Variants in EFL1 observed in about 807,000 individuals in gnomAD.
EFL1 encodes the protein elongation factor-like GTPase 1.
In EFL1, 76 loss-of-function variants were observed where a neutral mutation model predicts 126.7. The observed-to-expected ratio is 0.60, with a 90% confidence interval of 0.50 to 0.73. The LOEUF is 0.73. Ranked by LOEUF, EFL1 falls within the 30% of genes least tolerant of loss-of-function variation. The pLI is 0.00. For missense variants in EFL1, 1,128 were observed against 1,343.2 expected (o/e 0.84, Z 2.50); for synonymous variants, 410 against 448.4 (o/e 0.91, Z 1.08).
intron 15 of EFL1, among the ~76,000 whole-genome samples, chr15:82,200,746 T>C (rs943433868): frequency 6.6e-6 from 1 of 152,214 alleles, no homozygotes; most frequent in African/African-American, 2.4e-5. Flanking sequence ...ACATCACTAC[T>C]CTGATATTCT....
chr15:82,216,301 T>C (rs2074645895), intron 14 of EFL1, among the ~76,000 whole-genome samples: 1 of 152,198 alleles, frequency 6.6e-6, no homozygotes, highest in South Asian at 2.1e-4. Context: ...TGCTGATTCA[T>C]GCCAAATAGG....
chr15:82,203,833 T>G (rs1420914621), intron 15 of EFL1, among the ~76,000 whole-genome samples: 1 of 152,248 alleles, frequency 6.6e-6, no homozygotes, highest in South Asian at 2.1e-4. Context: ...ACTTATCTAT[T>G]CTTCTGCCAA....
intron 18 of EFL1, among the ~76,000 whole-genome samples, chr15:82,143,115 C>G (rs904699330): frequency 2.0e-5 from 3 of 152,108 alleles, no homozygotes; most frequent in Non-Finnish European, 4.4e-5. Flanking sequence ...TAGTTGTCCA[C>G]AGCAATGTTT....
intron 18 of EFL1, among the ~76,000 whole-genome samples, chr15:82,146,226 T>C (rs189993832): frequency 2.6e-5 from 4 of 152,276 alleles, no homozygotes; most frequent in African/African-American, 9.6e-5. Context: ...CTTGTTTTAA[T>C]AATCTATGTA....
intron 15 of EFL1, among the ~76,000 whole-genome samples, chr15:82,188,349 T>C (rs575979700): frequency 6.6e-6 from 1 of 152,252 alleles, no homozygotes; most frequent in African/African-American, 2.4e-5. Flanking sequence ...TTCCATTTTC[T>C]TATCTTTTTT....
At chr15:82,190,496 G>A (rs1197771224) in intron 15 of EFL1, among the ~76,000 whole-genome samples, 1 of 152,154 alleles carries the variant, frequency 6.6e-6, no homozygotes, top group Non-Finnish European at 1.5e-5. Flanking sequence ...TTCATTCCAA[G>A]AGAGGGAAGT....
At chr15:82,134,145 T>C (rs2073693726) in intron 19 of EFL1, among the ~76,000 whole-genome samples, 1 of 152,232 alleles carries the variant, frequency 6.6e-6, no homozygotes, top group South Asian at 2.1e-4. Flanking sequence ...ACATCTTCAC[T>C]ACTCCTGCAT....
chr15:82,241,452 T>C (rs1255437687), intron 4 of EFL1, 49 bp from the exon 5 acceptor site: 1 of 1,583,864 alleles, frequency 6.3e-7, no homozygotes, highest in South Asian at 1.2e-5. Context: ...AGGTACACAA[T>C]GTTCTTCCTC....
intron 11 of EFL1, 49 bp downstream of exon 11, chr15:82,227,401 G>A (rs1475197761): frequency 6.2e-7 from 1 of 1,613,586 alleles, no homozygotes; most frequent in African/African-American, 1.3e-5. Context: ...AGCCTGGATG[G>A]AGGACAGTCA....
intron 15 of EFL1, among the ~76,000 whole-genome samples, chr15:82,175,221 G>A (rs543393933): frequency 6.6e-6 from 1 of 152,194 alleles, no homozygotes; most frequent in South Asian, 2.1e-4. Context: ...ATTGCCCTAC[G>A]TCTGCATCTT....
chr15:82,261,498 G>A (rs2141348647), intron 2 of EFL1, among the ~76,000 whole-genome samples, 190 bp downstream of exon 2: 1 of 152,246 alleles, frequency 6.6e-6, no homozygotes, highest in Admixed American at 6.5e-5. Flanking sequence ...CTACTCACTA[G>A]GTAACCGTGT....
At chr15:82,256,480 C>T (rs550609927) in intron 3 of EFL1, among the ~76,000 whole-genome samples, 1 of 152,218 alleles carries the variant, frequency 6.6e-6, no homozygotes, top group East Asian at 1.9e-4. Flanking sequence ...AGCTTTATCA[C>T]TGCAACTAGA....
chr15:82,243,871 G>A (rs991988353), intron 4 of EFL1, among the ~76,000 whole-genome samples: 16 of 152,154 alleles, frequency 1.1e-4, no homozygotes, highest in Middle Eastern at 3.4e-3. Context: ...GTTTCCACCC[G>A]ACAATCTACA....
At chr15:82,244,917 T>G (rs2074957670) in intron 4 of EFL1, among the ~76,000 whole-genome samples, 1 of 152,154 alleles carries the variant, frequency 6.6e-6, no homozygotes, top group South Asian at 2.1e-4. Flanking sequence ...AAAGAAAAAC[T>G]GAAGTTATGG....
At chr15:82,153,287 C>T (rs2073932926) in intron 17 of EFL1, among the ~76,000 whole-genome samples, 1 of 151,972 alleles carries the variant, frequency 6.6e-6, no homozygotes, top group Non-Finnish European at 1.5e-5. Flanking sequence ...TGTATATTCA[C>T]AGGATATACA....
chr15:82,261,324 A>C (rs1370194308), intron 2 of EFL1, among the ~76,000 whole-genome samples: 1 of 152,220 alleles, frequency 6.6e-6, no homozygotes, highest in Non-Finnish European at 1.5e-5. Context: ...TCTTGAACTT[A>C]ACAGACGTTT....
chr15:82,237,571 T>C (rs754196585), intron 7 of EFL1, among the ~76,000 whole-genome samples: 7 of 152,190 alleles, frequency 4.6e-5, no homozygotes, highest in Non-Finnish European at 1.0e-4. Flanking sequence ...GAATATAAAA[T>C]GGTACAGTCC....
At chr15:82,189,746 CAT>C (rs900048624) in intron 15 of EFL1, among the ~76,000 whole-genome samples, 3 of 152,224 alleles carry the variant, frequency 2.0e-5, no homozygotes, top group South Asian at 2.1e-4. Context: ...CACACACACA[CAT>C]ATACATTAGT....
chr15:82,186,601 A>G (rs1223575392), intron 15 of EFL1, among the ~76,000 whole-genome samples: 4 of 152,158 alleles, frequency 2.6e-5, no homozygotes, highest in Non-Finnish European at 5.9e-5. Flanking sequence ...AATTAACTCG[A>G]TTATAAATTT....
Sources: allele counts gnomAD v4.1 joint callset (sites outside exome capture counted in the v4.1 genomes callset), GRCh38; gene constraint gnomAD v4.1.1; transcripts MANE v1.5; gene names NCBI Gene and HGNC (gene_info 2026-07-23, HGNC 2026-07-21).